The following IL12A variants were observed in gnomAD, a reference collection of about 807,000 sequenced individuals.
The protein encoded by IL12A is interleukin 12A, also known as interleukin-12 subunit alpha.
Under a neutral mutation model 23.5 loss-of-function variants are expected in IL12A, and 16 were observed. That is an observed-to-expected ratio of 0.68 (90% CI 0.46 to 1.03). The LOEUF (loss-of-function observed/expected upper bound fraction) is 1.03, where lower values mean the gene tolerates loss of function less well. Among genes scored for constraint, IL12A ranks in the 50% least tolerant of loss-of-function variants. The probability of loss-of-function intolerance (pLI) is 0.00; values close to 1 mark genes in which losing one functional copy is unlikely to be tolerated. For missense variants in IL12A, 275 were observed against 307.0 expected (o/e 0.90, Z 0.78); for synonymous variants, 106 against 111.5 (o/e 0.95, Z 0.31).
intron 2 of IL12A, among the ~76,000 whole-genome samples, chr3:159,992,162 A>G (rs1720340339): frequency 6.6e-6 from 1 of 152,102 alleles, no homozygotes; most frequent in Admixed American, 6.6e-5. Context: ...CTCTGTCTGA[A>G]ATTTCCCTCC....
Position 159,988,999 on chromosome 3 carries a change from G to A in IL12A, c.-58G>A, listed in dbSNP as rs1345411698. 1 of 1,354,222 alleles carries A rather than the reference G, an allele frequency of 7.4e-7. No individual in the cohort carries two copies. Among genetic ancestry groups the A allele is most frequent in the African/African-American group, 1.4e-5 (1 of 69,788 alleles). 83.9% of individuals were successfully genotyped at this position (1,354,222 alleles called of 1,614,324 possible). ...GTAGAGAGAGACACAGAAGGAGACA[G>A]AAAGCAAGAGACCAGAGTCCCGGGA... On this transcript the variant is annotated 5_prime_UTR_variant, in exon 1 of 7. Coordinates refer to ENST00000305579, the MANE Select transcript of IL12A (RefSeq NM_000882.4).
At position 159,995,384 on chromosome 3, in the gene IL12A, C is replaced by T. The variant is rs771074342; in HGVS notation, c.607-20C>T. The T allele has an allele frequency of 6.4e-7, 1 of 1,554,914 alleles. No homozygotes were observed. Among genetic ancestry groups the T allele is most frequent in the Non-Finnish European group, 8.7e-7 (1 of 1,151,790 alleles). On this transcript the variant is annotated intron_variant, in intron 6 of 6. Transcript: ENST00000305579. ...ATTTTGGAATACCATGTAAGTCATGCTTACTGTTCATTCTCCTAGGCCCTG... is the reference window on the plus strand; with the variant it reads ...ATTTTGGAATACCATGTAAGTCATGTTTACTGTTCATTCTCCTAGGCCCTG...
In IL12A at chr3:159,993,501, A is replaced by G. The variant is rs374624685; in HGVS notation, c.420+9A>G. On this transcript the variant is annotated intron_variant, in intron 4 of 6. Transcript: ENST00000305579. ...AGACCTCTTTCATAACTGTAAGTCA[A>G]AAAATGAAAAGTTTCAGCCTGTATG... is the stretch of plus-strand genomic sequence containing the variant. The G allele has an allele frequency of 4.3e-6, 7 of 1,613,818 alleles. No homozygotes were observed. The highest frequency in any genetic ancestry group is 5.1e-6 in the Non-Finnish European group (6 of 1,179,838).
chr3:159,989,889 A>C (rs1490526261), intron 1 of IL12A, among the ~76,000 whole-genome samples: 1 of 152,188 alleles, frequency 6.6e-6, no homozygotes, highest in Admixed American at 6.5e-5. Flanking sequence ...CCTGATCAAA[A>C]ACATGTAGGC....
Position 159,993,660 on chromosome 3 carries a change from C to T in IL12A, c.463-41C>T, listed in dbSNP as rs1245699717. ...ATGCAATGGGGGAAATGTTTTTAGC[C>T]CATCTCAATGGATACTTCCCCATCT... On this transcript the variant is annotated intron_variant, in intron 5 of 6. Transcript: ENST00000305579. The T allele has an allele frequency of 3.7e-6, 6 of 1,613,850 alleles. No individual in the cohort carries two copies. The African/African-American group carries it at 4.0e-5, about 11-fold the overall frequency.
chr3:159,989,207 C>T, intron 1 of IL12A, 33 bp downstream of exon 1: 1 of 1,568,942 alleles, frequency 6.4e-7, no homozygotes, highest in South Asian at 1.1e-5. Context: ...CTTTGGCTCG[C>T]TCGGGTGCGG....
intron 3 of IL12A, 100 bp downstream of exon 3, chr3:159,993,225 TG>T (rs1720379314): frequency 1.3e-6 from 1 of 783,850 alleles, no homozygotes; most frequent in Non-Finnish European, 2.1e-6. Context: ...TCCATCATTA[TG>T]GGATTTTAAC....
Position 159,993,808 on chromosome 3 carries a change from T to G in IL12A, c.570T>G (p.Asp190Glu). The change falls in exon 6 of 7, where the codon GAT (aspartate) becomes GAG (glutamate). Residue 190 changes from aspartate (D) to glutamate (E), a missense_variant. Transcript: ENST00000305579. Reference sequence around the variant, plus strand: ...ATCCTAAGAGGCAGATCTTTCTAGATCAAAACATGCTGGCAGTTATTGATG... The same window carrying G: ...ATCCTAAGAGGCAGATCTTTCTAGAGCAAAACATGCTGGCAGTTATTGATG... 1 of 1,614,102 alleles carries G rather than the reference T, an allele frequency of 6.2e-7. No homozygotes were observed. Among genetic ancestry groups the G allele is most frequent in the Non-Finnish European group, 8.5e-7 (1 of 1,180,000 alleles).
chr3:159,989,105 G>A lies in IL12A; in HGVS notation c.49G>A (p.Ala17Thr), dbSNP rs971085380. Reference sequence around the variant, plus strand: ...CCAGCCACCGCCCTCACCTGCCGCGGCCACAGGTCTGCATCCAGCGGCTCG... The same window carrying A: ...CCAGCCACCGCCCTCACCTGCCGCGACCACAGGTCTGCATCCAGCGGCTCG... Residue 17 changes from alanine to threonine, a missense_variant, in exon 1 of 7, where the codon GCC becomes ACC. Ala to Thr is a moderately conservative substitution (Grantham distance 58). Coordinates refer to ENST00000305579, the MANE Select transcript of IL12A (RefSeq NM_000882.4). 1.2e-5 allele frequency: 19 copies of A among 1,613,084 alleles called. No homozygotes were observed. Among genetic ancestry groups the A allele is most frequent in the Non-Finnish European group, 1.5e-5 (18 of 1,179,780 alleles).
intron 6 of IL12A, 35 bp from the exon 7 acceptor site, chr3:159,995,369 A>G: frequency 6.7e-7 from 1 of 1,493,764 alleles, no homozygotes; most frequent in Non-Finnish European, 9.0e-7. Flanking sequence ...ATTTTGGAAT[A>G]CCATGTAAGT....
rs1720265242 is a variant in IL12A at position 159,990,493 on chromosome 3, G to A, written c.264+181G>A. ...AGTGTTAAAGAGTCCTAGTGAAATT[G>A]TGTCTCCAGAGAAAGCAAGAGTAGT... On this transcript the variant is annotated intron_variant, in intron 2 of 6. Transcript: ENST00000305579. Among the ~76,000 whole-genome samples, 3 of 152,228 alleles carry A rather than the reference G, an allele frequency of 2.0e-5. 1 individual carries two copies. The South Asian group carries it at 6.2e-4, about 32-fold the overall frequency.
Position 159,993,711 on chromosome 3 carries a change from T to G in IL12A, c.473T>G (p.Leu158Arg), listed in dbSNP as rs763982444. Residue 158 changes from leucine (L) to arginine (R), a missense_variant, in exon 6 of 7, where the codon CTT becomes CGT. Leu to Arg is a moderately radical substitution (Grantham distance 102). Transcript: ENST00000305579. ...TGTCATGTCACCCAGGCCCTGTGCCTTAGTAGTATTTATGAAGACTTGAAG... is the reference window on the plus strand; with the variant it reads ...TGTCATGTCACCCAGGCCCTGTGCCGTAGTAGTATTTATGAAGACTTGAAG... The G allele has an allele frequency of 1.2e-6, 2 of 1,614,158 alleles. No individual in the cohort carries two copies. The highest frequency in any genetic ancestry group is 2.2e-5 in the South Asian group (2 of 91,084).
rs1181590009 is a variant in IL12A, at chr3:159,989,131, C to T, written c.75C>T (p.Arg25=). The change falls in exon 1 of 7, where the codon CGC becomes CGT. Residue 25 remains arginine, a synonymous_variant. Transcript: ENST00000305579. ...CCACAGGTCTGCATCCAGCGGCTCG[C>T]CCTGTGTCCCTGCAGTGCCGGCTCA... is the stretch of plus-strand genomic sequence containing the variant. 3 of 1,612,288 alleles carry T rather than the reference C, an allele frequency of 1.9e-6. No individual in the cohort carries two copies. Among genetic ancestry groups the T allele is most frequent in the East Asian group, 2.2e-5 (1 of 44,824 alleles).
intron 6 of IL12A, among the ~76,000 whole-genome samples, 195 bp downstream of exon 6, chr3:159,994,039 A>C (rs1720410449): frequency 6.6e-6 from 1 of 152,096 alleles, no homozygotes; most frequent in Non-Finnish European, 1.5e-5. Flanking sequence ...TGAAAAGCAG[A>C]CTCCAAAGTA....
rs769576588 is a variant in IL12A at position 159,995,581 on chromosome 3, G to A, written c.*22G>A. ...CTAAAAAGCGAGGTCCCTCCAAACC[G>A]TTGTCATTTTTATAAAACTTTGAAA... On this transcript the variant is annotated 3_prime_UTR_variant, in exon 7 of 7. Coordinates refer to ENST00000305579, the MANE Select transcript of IL12A (RefSeq NM_000882.4). 26 of 1,533,468 alleles carry A rather than the reference G, an allele frequency of 1.7e-5. No homozygotes were observed. Among genetic ancestry groups the A allele is most frequent in the East Asian group, 9.5e-5 (4 of 42,146 alleles). The allele number at this position is 1,533,468 out of a possible 1,614,324, so 95.0% of individuals were successfully genotyped here.
chr3:159,991,558 G>A (rs1720314870), intron 2 of IL12A, among the ~76,000 whole-genome samples: 1 of 152,184 alleles, frequency 6.6e-6, no homozygotes, highest in Non-Finnish European at 1.5e-5. Flanking sequence ...GGGTTGCCCA[G>A]GTCTGTTTAA....
At position 159,989,170 on chromosome 3, in the gene IL12A, G is replaced by A. The variant is rs1407328960; in HGVS notation, c.114G>A (p.Ala38=). 1.2e-6 allele frequency: 2 copies of A among 1,611,090 alleles called. No individual in the cohort carries two copies. Among genetic ancestry groups the A allele is most frequent in the Non-Finnish European group, 1.7e-6 (2 of 1,179,150 alleles). ...AGTGCCGGCTCAGCATGTGTCCAGC[G>A]CGCAGTGAGTACTCAGCCCGCCAGG... The change falls in exon 1 of 7, where the codon GCG becomes GCA. Residue 38 remains alanine, a synonymous_variant. Transcript: ENST00000305579.
At chr3:159,994,980 A>T (rs547750456) in intron 6 of IL12A, among the ~76,000 whole-genome samples, 24 of 152,362 alleles carry the variant, frequency 1.6e-4, no homozygotes, top group African/African-American at 4.8e-4. Flanking sequence ...CACAAATGGC[A>T]TGTCTTCAGT....
intron 2 of IL12A, among the ~76,000 whole-genome samples, chr3:159,992,538 C>T (rs2243127): frequency 0.03 from 4,565 of 152,252 alleles, 252 homozygotes; most frequent in African/African-American, 0.1. Flanking sequence ...TATGTGTGTG[C>T]GTGTGTGCAC....
Sources: gnomAD v4.1 joint callset for allele counts (sites outside exome capture counted in the v4.1 genomes callset) on GRCh38, gnomAD v4.1.1 for gene constraint, MANE v1.5 for transcripts, NCBI Gene and HGNC (gene_info 2026-07-23, HGNC 2026-07-21) for gene names.